The following PDE4DIP variants were observed in gnomAD, a reference collection of about 807,000 sequenced individuals.
PDE4DIP encodes the protein phosphodiesterase 4D interacting protein.
PDE4DIP carries 59 observed loss-of-function variants against 221.4 expected under a neutral mutation model. The ratio of observed to expected loss-of-function variants is 0.27; its 90% CI spans 0.22 to 0.33. The LOEUF is 0.33. PDE4DIP is among the 10% of genes least tolerant of loss of function. The pLI, the probability that PDE4DIP is intolerant of heterozygous loss-of-function variation, is 1.00. For missense variants in PDE4DIP, 1,036 were observed against 2,154.2 expected, an observed-to-expected ratio of 0.48 and a Z score of 10.28; for synonymous variants, 404 against 815.9, an observed-to-expected ratio of 0.50 and a Z score of 8.60.
chr1:148,978,337 G>A, exon 19 of PDE4DIP: 2 of 1,612,446 alleles, frequency 1.2e-6, no homozygotes, highest in East Asian at 2.2e-5. Context: ...GCCTGACCCA[G>A]GAAGTCTTAC....
At chr1:148,941,912 T>A (rs1553480124) in intron 5 of PDE4DIP, 1 of 152,022 alleles carries the variant, frequency 6.6e-6, no homozygotes, top group Non-Finnish European at 1.5e-5. Context: ...TCTGGGCCTG[T>A]TCTTCAGAGG....
intron 41 of PDE4DIP, among the ~76,000 whole-genome samples, chr1:149,028,908 C>T (rs1167215927): frequency 4.6e-5 from 7 of 152,080 alleles, no homozygotes; most frequent in African/African-American, 7.2e-5. Flanking sequence ...TATCCCATTC[C>T]CCACCAGCCC....
At position 148,923,698 on chromosome 1, in the gene PDE4DIP, C is replaced by G. The variant is rs369008845; in HGVS notation, c.142-5499C>G. 1.7e-4 allele frequency among the ~76,000 whole-genome samples: 24 copies of G among 145,338 alleles called. 3 individuals carry two copies. Among genetic ancestry groups the G allele is most frequent in the African/African-American group, 6.4e-4 (24 of 37,710 alleles). On this transcript the variant is annotated intron_variant, in intron 1 of 43. Coordinates refer to ENST00000369354, the Ensembl canonical transcript of PDE4DIP. Reference sequence around the variant, plus strand: ...CCGTGTTAGGCAGGATGGTCTCGATCTCCCGACCTCGTGATCTGCCCGCCT... The same window carrying G: ...CCGTGTTAGGCAGGATGGTCTCGATGTCCCGACCTCGTGATCTGCCCGCCT...
At chr1:148,861,414 G>A (rs1553400703) in intron 1 of PDE4DIP, among the ~76,000 whole-genome samples, 27 of 23,810 alleles carry the variant, frequency 1.1e-3, no homozygotes, top group African/African-American at 1.0e-3. Context: ...CGAGGCGGGC[G>A]GATCACCTGA....
chr1:148,949,088 G>A (rs1553485633), intron 5 of PDE4DIP, among the ~76,000 whole-genome samples: 1 of 152,102 alleles, frequency 6.6e-6, no homozygotes, highest in Non-Finnish European at 1.5e-5. Context: ...TCGCTGGCTA[G>A]TACTGTATTG....
Position 149,016,371 on chromosome 1 carries a change from A to G in PDE4DIP, c.5339A>G (p.Tyr1780Cys), listed in dbSNP as rs782142082. 3 of 1,288,736 alleles carry G rather than the reference A, an allele frequency of 2.3e-6. No homozygotes were observed. The Admixed American group carries it at 5.2e-5, about 22-fold the overall frequency. The allele number at this position is 1,288,736 out of a possible 1,614,324, so 79.8% of individuals were successfully genotyped here. ...GACTTGGAAGCCGACTCTTCCTACT[A>G]CCTCAACTCTGCCCAGCCTCACTCT... The change falls in exon 33 of 44, where the codon TAC becomes TGC. Residue 1780 changes from tyrosine to cysteine, a missense_variant. Physicochemically the swap from Tyr to Cys is radical, Grantham distance 194. Coordinates refer to ENST00000369354, the Ensembl canonical transcript of PDE4DIP.
At chr1:148,865,067 A>G (rs1553405733) in intron 2 of PDE4DIP, among the ~76,000 whole-genome samples, 1 of 140,006 alleles carries the variant, frequency 7.1e-6, no homozygotes, top group Non-Finnish European at 1.5e-5. Context: ...TGTGGAAGAA[A>G]TCATTTTTTC....
chr1:148,932,940 T>G (rs2048382830), intron 4 of PDE4DIP, among the ~76,000 whole-genome samples: 1 of 152,188 alleles, frequency 6.6e-6, no homozygotes, highest in Non-Finnish European at 1.5e-5. Context: ...AGTTAGCCCA[T>G]TCTACCATGT....
At chr1:148,919,526 G>C (rs2044970872) in intron 1 of PDE4DIP, among the ~76,000 whole-genome samples, 1 of 151,706 alleles carries the variant, frequency 6.6e-6, no homozygotes, top group South Asian at 2.1e-4. Context: ...AAGACAGATA[G>C]AGTCCTTTCT....
At chr1:148,981,350 G>A in exon 21 of PDE4DIP, 1 of 1,614,092 alleles carries the variant, frequency 6.2e-7, no homozygotes, top group South Asian at 1.1e-5. Context: ...GTTCTTGGAA[G>A]AAGCTTGGAG....
intron 1 of PDE4DIP, among the ~76,000 whole-genome samples, chr1:148,923,899 A>C (rs2489113): frequency 5.1e-4 from 73 of 142,826 alleles, no homozygotes; most frequent in African/African-American, 1.5e-3. Context: ...GTAAAAGTTG[A>C]AGTAATTTAC....
At chr1:148,976,360 C>T (rs1349623045) in intron 17 of PDE4DIP, among the ~76,000 whole-genome samples, 1 of 152,230 alleles carries the variant, frequency 6.6e-6, no homozygotes, top group African/African-American at 2.4e-5. Flanking sequence ...AGTTCACGTT[C>T]TGGATTTACC....
At position 148,963,827 on chromosome 1, in the gene PDE4DIP, C is replaced by G. The variant is rs587611987; in HGVS notation, c.1194+1187C>G. ...GGAGTACAGTGGCGCGATCTCGGCT[C>G]GCTGCAAGCTCCGCCTCTCGGGTTC... On this transcript the variant is annotated intron_variant, in intron 9 of 43. Coordinates refer to ENST00000369354, the Ensembl canonical transcript of PDE4DIP. 5.5e-4 allele frequency among the ~76,000 whole-genome samples: 69 copies of G among 125,828 alleles called. 1 individual carries two copies. Among genetic ancestry groups the G allele is most frequent in the African/African-American group, 2.1e-3 (68 of 32,170 alleles). 82.5% of individuals were successfully genotyped at this position (125,828 alleles called of 152,430 possible).
intron 13 of PDE4DIP, among the ~76,000 whole-genome samples, chr1:148,968,243 A>C (rs180958646): frequency 2.0e-5 from 3 of 152,154 alleles, no homozygotes; most frequent in Admixed American, 2.0e-4. Flanking sequence ...TCACAAGTCC[A>C]TGAGGTACTT....
At chr1:148,975,836 A>T (rs1245070089) in intron 17 of PDE4DIP, among the ~76,000 whole-genome samples, 6 of 152,164 alleles carry the variant, frequency 3.9e-5, no homozygotes, top group Admixed American at 3.9e-4. Context: ...AATAGCTCTT[A>T]GTTTTTTTCT....
chr1:149,010,242 C>G (rs1205325486), intron 30 of PDE4DIP, among the ~76,000 whole-genome samples: 2 of 152,068 alleles, frequency 1.3e-5, no homozygotes, highest in Non-Finnish European at 2.9e-5. Flanking sequence ...GAGCTCAGAG[C>G]ACCGCTGTCA....
At chr1:148,883,199 CTAGA>C (rs1300950451) in intron 3 of PDE4DIP, among the ~76,000 whole-genome samples, 23 of 150,734 alleles carry the variant, frequency 1.5e-4, no homozygotes, top group Admixed American at 1.4e-3. Flanking sequence ...GCTACCCACC[CTAGA>C]TAAATATGTA....
chr1:148,967,339 T>G (rs1438271842), intron 12 of PDE4DIP, among the ~76,000 whole-genome samples: 2 of 152,164 alleles, frequency 1.3e-5, no homozygotes, highest in East Asian at 3.9e-4. Flanking sequence ...AAATTGTGTC[T>G]TCTACATTAA....
At chr1:148,857,421 T>C (rs1681849545) in intron 1 of PDE4DIP, among the ~76,000 whole-genome samples, 1 of 21,044 alleles carries the variant, frequency 4.8e-5, no homozygotes. Context: ...GACTGCGGAC[T>C]GCAGTGGCGC....
Sources: gnomAD v4.1 joint callset for allele counts (sites outside exome capture counted in the v4.1 genomes callset) on GRCh38, gnomAD v4.1.1 for gene constraint, MANE v1.5 for transcripts, NCBI Gene and HGNC (gene_info 2026-07-23, HGNC 2026-07-21) for gene names.